Variants in SCAPER observed in about 807,000 individuals in gnomAD.
SCAPER encodes the protein S-phase cyclin A associated protein in the ER.
A neutral mutation model predicts 182.2 loss-of-function variants in SCAPER; 98 were observed. The ratio of observed to expected loss-of-function variants is 0.54; its 90% confidence interval spans 0.46 to 0.64. The LOEUF (loss-of-function observed/expected upper bound fraction) is 0.64. Among genes scored for constraint, SCAPER ranks in the 30% least tolerant of loss-of-function variants. The pLI is 0.00. For synonymous variants in SCAPER, 605 were observed against 564.6 expected, an observed-to-expected ratio of 1.07 and a Z score of -1.01; for missense variants, 1,432 against 1,690.0, an observed-to-expected ratio of 0.85 and a Z score of 2.68.
chr15:76,467,699 T>C lies in SCAPER; in HGVS notation c.3078+3513A>G, dbSNP rs560770675. 3.1e-4 allele frequency among the ~76,000 whole-genome samples: 47 copies of C among 152,300 alleles called. 1 individual carries two copies. Among genetic ancestry groups the C allele is most frequent in the African/African-American group, 1.1e-3 (47 of 41,568 alleles). On this transcript the variant is annotated intron_variant, in intron 25 of 31. Coordinates refer to ENST00000563290, the MANE Select transcript of SCAPER (RefSeq NM_020843.4). ...GAGCTACGTTGTAGTTCTGATAACA[T>C]TATAGAACTTCTCATCCCTTCCTAT... is the stretch of plus-strand genomic sequence containing the variant.
chr15:76,476,492 G>A (rs921189556), intron 24 of SCAPER, among the ~76,000 whole-genome samples: 1 of 150,958 alleles, frequency 6.6e-6, no homozygotes, highest in African/African-American at 2.4e-5. Context: ...GCAGTGGCAT[G>A]ATCATAGCTC....
intron 5 of SCAPER, among the ~76,000 whole-genome samples, chr15:76,836,256 A>G (rs1398550545): frequency 6.6e-6 from 1 of 152,176 alleles, no homozygotes; most frequent in East Asian, 1.9e-4. Context: ...AAGAGCCCCA[A>G]TAGCCAAAGC....
At chr15:76,489,405 A>G (rs1424477908) in intron 24 of SCAPER, among the ~76,000 whole-genome samples, 1 of 151,704 alleles carries the variant, frequency 6.6e-6, no homozygotes, top group Non-Finnish European at 1.5e-5. Context: ...GATACAGTAG[A>G]TCTACCACCT....
chr15:76,771,510 A>T (rs1189363131), intron 10 of SCAPER, among the ~76,000 whole-genome samples: 2 of 152,156 alleles, frequency 1.3e-5, no homozygotes, highest in African/African-American at 4.8e-5. Context: ...CATACAAACC[A>T]AATGATTTTG....
chr15:76,615,533 A>AC, intron 22 of SCAPER, among the ~76,000 whole-genome samples: 1 of 141,170 alleles, frequency 7.1e-6, no homozygotes, highest in African/African-American at 2.6e-5. Flanking sequence ...ACACACACAC[A>AC]AATGAGGCCA....
At chr15:76,791,633 TAAG>T (rs1009228102) in intron 8 of SCAPER, among the ~76,000 whole-genome samples, 4 of 151,654 alleles carry the variant, frequency 2.6e-5, no homozygotes, top group Admixed American at 2.6e-4. Context: ...AATCTCTCCT[TAAG>T]AAGTCTGACA....
At chr15:76,561,740 G>C (rs1294771740) in intron 23 of SCAPER, among the ~76,000 whole-genome samples, 1 of 150,198 alleles carries the variant, frequency 6.7e-6, no homozygotes, top group Non-Finnish European at 1.5e-5. Context: ...ACGGAGTTTC[G>C]CTCCTTTTGC....
chr15:76,718,652 A>C (rs1378305293), intron 17 of SCAPER, among the ~76,000 whole-genome samples: 5 of 151,942 alleles, frequency 3.3e-5, no homozygotes, highest in Admixed American at 1.3e-4. Flanking sequence ...AAAAGGAAAA[A>C]AAAAACAAAA....
chr15:76,730,289 T>C (rs1036175657), intron 16 of SCAPER, among the ~76,000 whole-genome samples: 3 of 150,892 alleles, frequency 2.0e-5, no homozygotes, highest in African/African-American at 4.9e-5. Context: ...ATTTCTTTCT[T>C]TTTTTTTTGA....
intron 2 of SCAPER, among the ~76,000 whole-genome samples, chr15:76,866,198 C>T (rs2072282315): frequency 6.6e-6 from 1 of 152,064 alleles, no homozygotes; most frequent in Non-Finnish European, 1.5e-5. Context: ...AGATAATTCC[C>T]TTACACAATC....
chr15:76,418,409 T>C (rs552158093), intron 26 of SCAPER, among the ~76,000 whole-genome samples: 34 of 152,326 alleles, frequency 2.2e-4, no homozygotes, highest in African/African-American at 7.5e-4. Flanking sequence ...CCAGTACTCA[T>C]AGGACCCAAA....
chr15:76,787,595 G>C (rs1467744032), intron 8 of SCAPER, among the ~76,000 whole-genome samples: 1 of 152,016 alleles, frequency 6.6e-6, no homozygotes, highest in Non-Finnish European at 1.5e-5. Flanking sequence ...CATAGTGCTG[G>C]GATTACAGGT....
intron 17 of SCAPER, among the ~76,000 whole-genome samples, chr15:76,709,234 C>T (rs1184041802): frequency 6.6e-6 from 1 of 152,106 alleles, no homozygotes; most frequent in South Asian, 2.1e-4. Flanking sequence ...AGGGTTCAAG[C>T]GATTCTCCTG....
At chr15:76,837,138 T>C (rs1238896395) in intron 5 of SCAPER, among the ~76,000 whole-genome samples, 4 of 152,292 alleles carry the variant, frequency 2.6e-5, no homozygotes, top group Middle Eastern at 3.4e-3. Flanking sequence ...TCACAAACTA[T>C]GCATCTGACA....
At position 76,567,781 on chromosome 15, in the gene SCAPER, A is replaced by ATT. The variant is rs2047148658; in HGVS notation, c.2838+6375_2838+6376dup. 2.0e-5 allele frequency among the ~76,000 whole-genome samples: 3 copies of ATT among 152,072 alleles called. No individual in the cohort carries two copies. In the South Asian group the frequency reaches 6.2e-4, roughly 32 times the overall value. ...TACTCTGGATGCCACTCTTTTGTTG[A>ATT]TTATATATATGTAAAATATTCTTCC... On this transcript the variant is annotated intron_variant, in intron 23 of 31. Coordinates refer to ENST00000563290, the MANE Select transcript of SCAPER (RefSeq NM_020843.4).
chr15:76,478,621 G>T (rs2050848422), intron 24 of SCAPER, among the ~76,000 whole-genome samples: 1 of 151,956 alleles, frequency 6.6e-6, no homozygotes, highest in Admixed American at 6.6e-5. Flanking sequence ...ATTTATTTTG[G>T]TGTGTTGTGT....
chr15:76,476,749 C>A (rs2050677546), intron 24 of SCAPER, among the ~76,000 whole-genome samples: 1 of 151,766 alleles, frequency 6.6e-6, no homozygotes, highest in Non-Finnish European at 1.5e-5. Flanking sequence ...ACCTAGCCGT[C>A]CAAGAATTTT....
chr15:76,841,566 G>C (rs1001363590), intron 5 of SCAPER, among the ~76,000 whole-genome samples, 168 bp downstream of exon 5: 2 of 152,040 alleles, frequency 1.3e-5, no homozygotes, highest in African/African-American at 2.4e-5. Flanking sequence ...AGAATCACTT[G>C]AACCTGGGAG....
In SCAPER at chr15:76,367,279, A is replaced by G. The variant is rs1487541711; in HGVS notation, c.3855+8883T>C. On this transcript the variant is annotated intron_variant, in intron 29 of 31. Coordinates refer to ENST00000563290, the MANE Select transcript of SCAPER (RefSeq NM_020843.4). ...TGTTCCATTGTGATGGGCTTTCTGT[A>G]ACTGATGAGGGTCTTATATAAAATC... 2.6e-5 allele frequency among the ~76,000 whole-genome samples: 4 copies of G among 152,198 alleles called. No individual in the cohort carries two copies. In the East Asian group the frequency reaches 7.7e-4, roughly 29 times the overall value.
Sources: allele counts gnomAD v4.1 joint callset (sites outside exome capture counted in the v4.1 genomes callset), GRCh38; gene constraint gnomAD v4.1.1; transcripts MANE v1.5; gene names NCBI Gene and HGNC (gene_info 2026-07-23, HGNC 2026-07-21).